Variants in RPS6KA2 observed in about 807,000 individuals in gnomAD.
RPS6KA2 encodes ribosomal protein S6 kinase alpha-2.
In RPS6KA2, 42 loss-of-function variants were observed where a neutral mutation model predicts 91.8. The observed-to-expected ratio is 0.46, with a 90% confidence interval of 0.36 to 0.59. The LOEUF (loss-of-function observed/expected upper bound fraction) is 0.59, where lower values mean the gene tolerates loss of function less well. RPS6KA2 is among the 20% of genes least tolerant of loss of function. The probability of loss-of-function intolerance (pLI) is 0.00; values close to 1 mark genes in which losing one functional copy is unlikely to be tolerated. For synonymous variants in RPS6KA2, 414 were observed against 393.6 expected, an observed-to-expected ratio of 1.05 and a Z score of -0.61; for missense variants, 798 against 978.5, an observed-to-expected ratio of 0.82 and a Z score of 2.46.
chr6:166,745,148 CTTT>C (rs147789754), intron 2 of RPS6KA2, among the ~76,000 whole-genome samples: 1 of 105,934 alleles, frequency 9.4e-6, no homozygotes, highest in Non-Finnish European at 1.9e-5. Flanking sequence ...CCTAATCGGC[CTTT>C]TTTTTTTTTT....
chr6:166,527,040 T>C (rs962283529), intron 3 of RPS6KA2, among the ~76,000 whole-genome samples: 1 of 152,250 alleles, frequency 6.6e-6, no homozygotes, highest in Non-Finnish European at 1.5e-5. Context: ...CAGCCGTGGA[T>C]ACTTGCATTA....
At chr6:166,428,929 T>C (rs1779021426) in intron 16 of RPS6KA2, among the ~76,000 whole-genome samples, 1 of 151,046 alleles carries the variant, frequency 6.6e-6, no homozygotes, top group Admixed American at 6.6e-5. Flanking sequence ...AGCCATCCCA[T>C]TACTGGGTAT....
chr6:166,830,412 T>G (rs1174647714), intron 2 of RPS6KA2, among the ~76,000 whole-genome samples: 1 of 152,132 alleles, frequency 6.6e-6, no homozygotes, highest in Non-Finnish European at 1.5e-5. Context: ...TGTTGCAAAA[T>G]GAGAAGTATT....
rs983575938 is a variant in RPS6KA2 at position 166,733,003 on chromosome 6, C to T, written c.123+125197G>A. On this transcript the variant is annotated intron_variant, in intron 2 of 21. Transcript: ENST00000503859. The surrounding 1 kb of genome is among the most constrained non-coding windows in gnomAD (Gnocchi z 4.1). Reference sequence around the variant, plus strand: ...TGGGAGGCAGGGGTGCACACTTATGCATTTGCCCAGTTTTGCATCGGATTT... The same window carrying T: ...TGGGAGGCAGGGGTGCACACTTATGTATTTGCCCAGTTTTGCATCGGATTT... Among the ~76,000 whole-genome samples the T allele has an allele frequency of 3.9e-5, 6 of 152,292 alleles. No individual in the cohort carries two copies. Among genetic ancestry groups the T allele is most frequent in the African/African-American group, 1.4e-4 (6 of 41,548 alleles).
intron 2 of RPS6KA2, among the ~76,000 whole-genome samples, chr6:166,678,049 AG>A (rs1788666890): frequency 6.6e-6 from 1 of 152,256 alleles, no homozygotes; most frequent in Non-Finnish European, 1.5e-5. Flanking sequence ...TGTGGGATGT[AG>A]CTGTGATCCT....
chr6:166,650,561 G>A (rs1002186052), intron 2 of RPS6KA2, among the ~76,000 whole-genome samples: 7 of 152,166 alleles, frequency 4.6e-5, no homozygotes, highest in Non-Finnish European at 8.8e-5. Flanking sequence ...CATCACTTCC[G>A]GGTCAGGAAA....
At chr6:166,430,350 G>A (rs1339122181) in intron 16 of RPS6KA2, 103 bp downstream of exon 16, 3 of 1,044,506 alleles carry the variant, frequency 2.9e-6, no homozygotes, top group South Asian at 1.6e-5. Flanking sequence ...GGAATTCCAG[G>A]ACAATCCGCG....
upstream of RPS6KA2, among the ~76,000 whole-genome samples, chr6:166,628,322 TA>T (rs1392596118): frequency 6.6e-6 from 1 of 152,186 alleles, no homozygotes; most frequent in African/African-American, 2.4e-5. Context: ...GTTGAGTTTG[TA>T]TTTAAAAACA....
chr6:166,706,106 G>A (rs998069727), intron 2 of RPS6KA2, among the ~76,000 whole-genome samples: 31 of 152,264 alleles, frequency 2.0e-4, no homozygotes, highest in African/African-American at 6.7e-4. Flanking sequence ...TGTGAGAAAC[G>A]AATTTCTGTT....
Position 166,698,046 on chromosome 6 carries a change from G to A in RPS6KA2, c.124-159262C>T, listed in dbSNP as rs539845084. On this transcript the variant is annotated intron_variant, in intron 2 of 21. Transcript: ENST00000503859. ...AAGGATTTGCTGTGCAGAGAAGAGA[G>A]TGACTGTAAGGACTGGGGTCCGGCT... Among the ~76,000 whole-genome samples the A allele has an allele frequency of 1.5e-4, 23 of 152,338 alleles. No homozygotes were observed. The South Asian group carries it at 4.8e-3, about 32-fold the overall frequency.
intron 2 of RPS6KA2, among the ~76,000 whole-genome samples, chr6:166,686,355 G>A (rs1220162669): frequency 1.3e-5 from 2 of 152,154 alleles, no homozygotes; most frequent in South Asian, 2.1e-4. Context: ...CACCTGGTGG[G>A]CTCCTGAGCA....
chr6:166,465,650 C>A (rs1780491586), intron 11 of RPS6KA2, among the ~76,000 whole-genome samples: 1 of 152,268 alleles, frequency 6.6e-6, no homozygotes, highest in Admixed American at 6.5e-5. Context: ...CCTCCTTCTG[C>A]CCCTCTGCTG....
rs1779898169 is a variant in RPS6KA2 at position 166,821,312 on chromosome 6, C to T, written c.123+36888G>A. On this transcript the variant is annotated intron_variant, in intron 2 of 21. Coordinates refer to the RPS6KA2 transcript ENST00000503859. This position sits in a 1 kb window ranked among gnomAD's most constrained non-coding sequence, Gnocchi z 4.1. ...CGCACCCCAGGAGTGACAAATCAGC[C>T]TTCAATTCCCTCTGGGGAGGGGCCT... is the stretch of plus-strand genomic sequence containing the variant. Among the ~76,000 whole-genome samples the T allele has an allele frequency of 6.6e-6, 1 of 151,850 alleles. No individual in the cohort carries two copies. The highest frequency in any genetic ancestry group is 6.6e-5 in the Admixed American group (1 of 15,236).
At chr6:166,776,995 T>G (rs759305344) in intron 2 of RPS6KA2, among the ~76,000 whole-genome samples, 2 of 152,182 alleles carry the variant, frequency 1.3e-5, no homozygotes, top group Non-Finnish European at 2.9e-5. Context: ...TGGAGAAATG[T>G]CTACTTAAGC....
At position 166,662,513 on chromosome 6, in the gene RPS6KA2, G is replaced by A. The variant is rs1788190152; in HGVS notation, c.124-123729C>T. ...GAGTGCAGTTTTATGTTTGGAAAGA[G>A]TCTCTTAGCATTATGAGGGTTATTT... On this transcript the variant is annotated intron_variant, in intron 2 of 21. Transcript: ENST00000503859. The surrounding 1 kb of genome is among the most constrained non-coding windows in gnomAD (Gnocchi z 4.3). 6.6e-6 allele frequency among the ~76,000 whole-genome samples: 1 copy of A among 152,180 alleles called. No homozygotes were observed.
chr6:166,626,976 G>T lies in RPS6KA2; in HGVS notation c.44C>A (p.Ser15Tyr). Reference sequence around the variant, plus strand: ...GCGCGACTTCCTGCGCAGGTACACAGAGAAGAACCTGCGCACGGCGAACTT... The same window carrying T: ...GCGCGACTTCCTGCGCAGGTACACATAGAAGAACCTGCGCACGGCGAACTT... Reference protein sequence around the residue: ...MKKFAVRRFFSVYLRRKSRSK... With the variant: ...MKKFAVRRFFYVYLRRKSRSK... The change falls in exon 1 of 21, where the codon TCT (serine) becomes TAT (tyrosine). Residue 15 changes from serine to tyrosine, a missense_variant. Coordinates refer to ENST00000265678, the MANE Select transcript of RPS6KA2 (RefSeq NM_021135.6). This position sits in a 1 kb window ranked among gnomAD's most constrained non-coding sequence, Gnocchi z 4.1. 6.4e-7 allele frequency: 1 copy of T among 1,560,444 alleles called. No individual in the cohort carries two copies. The highest frequency in any genetic ancestry group is 1.4e-5 in the African/African-American group (1 of 71,376).
At chr6:166,640,873 G>C (rs966010858) in intron 2 of RPS6KA2, among the ~76,000 whole-genome samples, 1 of 151,424 alleles carries the variant, frequency 6.6e-6, no homozygotes, top group Admixed American at 6.6e-5. Context: ...CGTGACCTTG[G>C]AAGAACCTCA....
intron 2 of RPS6KA2, among the ~76,000 whole-genome samples, chr6:166,804,636 C>A (rs561628091): frequency 1.9e-4 from 29 of 151,410 alleles, no homozygotes; most frequent in Non-Finnish European, 1.0e-4. Flanking sequence ...TATCTATATA[C>A]GTTAGGTATC....
At chr6:166,568,101 G>T (rs73788048) in intron 1 of RPS6KA2, among the ~76,000 whole-genome samples, 1 of 152,152 alleles carries the variant, frequency 6.6e-6, no homozygotes, top group Admixed American at 6.5e-5. Flanking sequence ...AAGAGAAAAG[G>T]GGACACTGGA....
Sources: gnomAD v4.1 joint callset for allele counts (sites outside exome capture counted in the v4.1 genomes callset) on GRCh38, gnomAD v4.1.1 for gene constraint, Gnocchi (gnomAD v3.1) non-coding constraint, MANE v1.5 for transcripts, NCBI Gene and HGNC (gene_info 2026-07-23, HGNC 2026-07-21) for gene names.